The following SOS1 variants were observed in gnomAD, a reference collection of about 807,000 sequenced individuals.
The protein encoded by SOS1 is son of sevenless homolog 1.
In SOS1, 25 loss-of-function variants were observed where a neutral mutation model predicts 157.6. That is an observed-to-expected ratio of 0.16 (90% CI 0.12 to 0.22). The LOEUF (loss-of-function observed/expected upper bound fraction) is 0.22, where lower values mean the gene tolerates loss of function less well. Ranked by LOEUF, SOS1 falls within the 10% of genes least tolerant of loss-of-function variation. SOS1 has a pLI of 1.00. For synonymous variants in SOS1, 528 were observed against 534.0 expected (o/e 0.99, Z 0.16); for missense variants, 1,237 against 1,599.1 (o/e 0.77, Z 3.86).
chr2:39,030,244 GAAA>G (rs60498470), intron 8 of SOS1, among the ~76,000 whole-genome samples: 5 of 125,624 alleles, frequency 4.0e-5, no homozygotes, highest in Admixed American at 1.7e-4. Flanking sequence ...AAAGAAAACA[GAAA>G]AAAAAAAAAA....
chr2:39,052,546 A>T (rs1346782500), intron 5 of SOS1, among the ~76,000 whole-genome samples: 1 of 152,178 alleles, frequency 6.6e-6, no homozygotes, highest in Non-Finnish European at 1.5e-5. Flanking sequence ...ATATTAAATA[A>T]ATGGAATCAT....
At chr2:39,112,098 A>C (rs1233959394) in intron 1 of SOS1, among the ~76,000 whole-genome samples, 1 of 152,174 alleles carries the variant, frequency 6.6e-6, no homozygotes, top group Non-Finnish European at 1.5e-5. Context: ...TTTTGAATCC[A>C]TGGAGCCCTA....
chr2:39,078,729 A>G (rs1672101877), intron 1 of SOS1, among the ~76,000 whole-genome samples: 1 of 152,136 alleles, frequency 6.6e-6, no homozygotes, highest in South Asian at 2.1e-4. Flanking sequence ...CCCACCATGG[A>G]AAAATTGTCT....
rs532419541 is a variant in SOS1, at chr2:38,985,803, T to C, written c.*21A>G. ...CAATGGATTTGGGGCTAGGAAAATA[T>C]ACATCCCAGTACAGAGGAACTCAGG... On this transcript the variant is annotated 3_prime_UTR_variant, in exon 23 of 23. Transcript: ENST00000402219. 18 of 1,613,194 alleles carry C rather than the reference T, an allele frequency of 1.1e-5. No homozygotes were observed. Among genetic ancestry groups the C allele is most frequent in the South Asian group, 2.2e-5 (2 of 90,990 alleles).
At chr2:39,054,512 A>G (rs889583025) in intron 5 of SOS1, 102 bp downstream of exon 5, 20 of 704,766 alleles carry the variant, frequency 2.8e-5, no homozygotes, top group South Asian at 2.0e-4. Context: ...ACTTAAAAAA[A>G]TTAACAAATT....
intron 8 of SOS1, among the ~76,000 whole-genome samples, chr2:39,027,229 C>G (rs1292137134): frequency 1.3e-5 from 2 of 151,894 alleles, no homozygotes; most frequent in Admixed American, 6.5e-5. Context: ...AGAAAAAATC[C>G]ACTTGGACAT....
intron 1 of SOS1, among the ~76,000 whole-genome samples, chr2:39,106,585 C>T (rs1274582344): frequency 3.3e-5 from 3 of 90,916 alleles, no homozygotes; most frequent in East Asian, 2.6e-4. Flanking sequence ...AGCGAGACTC[C>T]GTCTCAAAAA....
chr2:38,989,897 A>C (rs1668679333), intron 20 of SOS1, among the ~76,000 whole-genome samples: 1 of 152,084 alleles, frequency 6.6e-6, no homozygotes, highest in African/African-American at 2.4e-5. Flanking sequence ...CATTTTACAT[A>C]GGAAATTCTG....
intron 19 of SOS1, among the ~76,000 whole-genome samples, chr2:38,996,368 G>T (rs1181474955): frequency 1.3e-5 from 2 of 152,162 alleles, no homozygotes; most frequent in African/African-American, 4.8e-5. Flanking sequence ...GGGATTACAG[G>T]CACGAGCCAC....
upstream of SOS1, among the ~76,000 whole-genome samples, chr2:39,121,472 TA>T (rs1302782246): frequency 2.0e-5 from 3 of 152,242 alleles, no homozygotes; most frequent in Admixed American, 2.0e-4. Flanking sequence ...TGCTGAGTAG[TA>T]GAAGTGATTG....
chr2:39,035,005 T>TA (rs1212422971), intron 8 of SOS1: 1 of 628,086 alleles, frequency 1.6e-6, no homozygotes, highest in Non-Finnish European at 2.9e-6. Flanking sequence ...ACAAAAAAAT[T>TA]AAAAAACAAC....
At chr2:38,989,418 T>C in intron 20 of SOS1, 104 bp from the exon 21 acceptor site, 1 of 758,016 alleles carries the variant, frequency 1.3e-6, no homozygotes, top group Non-Finnish European at 2.4e-6. Context: ...TCATTGTCGT[T>C]TTAAAGAATG....
At chr2:39,006,642 A>G in intron 16 of SOS1, 113 bp from the exon 17 acceptor site, 1 of 725,794 alleles carries the variant, frequency 1.4e-6, no homozygotes. Context: ...TGATTTTATG[A>G]CTGTAACATT....
intron 1 of SOS1, among the ~76,000 whole-genome samples, chr2:39,112,273 C>T (rs1213038870): frequency 6.6e-6 from 1 of 152,182 alleles, no homozygotes; most frequent in Non-Finnish European, 1.5e-5. Context: ...CTCACAACCA[C>T]CAGATCAACC....
chr2:38,986,449 G>T, intron 22 of SOS1, 134 bp from the exon 23 acceptor site: 1 of 884,316 alleles, frequency 1.1e-6, no homozygotes, highest in Non-Finnish European at 1.7e-6. Context: ...TTTGCCATAT[G>T]TTTTCTTTTT....
intron 2 of SOS1, among the ~76,000 whole-genome samples, chr2:39,067,075 T>C (rs545572628): frequency 7.9e-5 from 12 of 152,278 alleles, no homozygotes; most frequent in Admixed American, 5.9e-4. Flanking sequence ...CACTCTTTCA[T>C]TCAGGGCTCA....
chr2:39,005,828 G>C (rs899262456), intron 17 of SOS1, among the ~76,000 whole-genome samples: 1 of 152,048 alleles, frequency 6.6e-6, no homozygotes, highest in African/African-American at 2.4e-5. Context: ...GCAGAGAAAA[G>C]ATGAGAGTAG....
chr2:39,014,637 TTTTA>T (rs953112350), intron 11 of SOS1, 124 bp downstream of exon 11: 30 of 520,212 alleles, frequency 5.8e-5, no homozygotes, highest in Middle Eastern at 1.0e-3. Flanking sequence ...ATCTAAGAGA[TTTTA>T]TTTATTGAAA....
chr2:39,112,989 TC>T (rs1488699751), intron 1 of SOS1, among the ~76,000 whole-genome samples: 1 of 149,988 alleles, frequency 6.7e-6, no homozygotes, highest in Non-Finnish European at 1.5e-5. Context: ...TGAGCGGAGA[TC>T]ACACCACTGC....
Sources: allele counts gnomAD v4.1 joint callset (sites outside exome capture counted in the v4.1 genomes callset), GRCh38; gene constraint gnomAD v4.1.1; transcripts MANE v1.5; gene names NCBI Gene and HGNC (gene_info 2026-07-23, HGNC 2026-07-21).